The following AGAP1 variants were observed in gnomAD, a reference collection of about 807,000 sequenced individuals.
AGAP1 encodes ArfGAP with GTPase domain, ankyrin repeat and PH domain 1.
A neutral mutation model predicts 105.3 loss-of-function variants in AGAP1; 29 were observed. That is an observed-to-expected ratio of 0.28 (90% confidence interval 0.21 to 0.38). The LOEUF is 0.38. Ranked by LOEUF, AGAP1 falls within the 10% of genes least tolerant of loss-of-function variation. The pLI, the probability that AGAP1 is intolerant of heterozygous loss-of-function variation, is 1.00. For synonymous variants in AGAP1, 509 were observed against 485.9 expected, an observed-to-expected ratio of 1.05 and a Z score of -0.63; for missense variants, 998 against 1,165.1, an observed-to-expected ratio of 0.86 and a Z score of 2.09.
At chr2:235,498,436 C>T (rs933175780) in intron 1 of AGAP1, among the ~76,000 whole-genome samples, 9 of 152,132 alleles carry the variant, frequency 5.9e-5, no homozygotes, top group Admixed American at 2.0e-4. Context: ...ACAGCTGTGT[C>T]GTCTCTGGAG....
intron 9 of AGAP1, chr2:235,852,961 A>G (rs2048538982): frequency 2.4e-6 from 3 of 1,264,022 alleles, no homozygotes; most frequent in East Asian, 6.3e-5. Context: ...ACACCTTCCA[A>G]CAAAGAGGTT....
At chr2:235,832,192 G>T (rs1330665140) in intron 9 of AGAP1, among the ~76,000 whole-genome samples, 2 of 152,058 alleles carry the variant, frequency 1.3e-5, no homozygotes, top group African/African-American at 4.8e-5. Flanking sequence ...AGGGTTCTTT[G>T]TATGTTTTGG....
At chr2:235,819,889 T>G (rs1346317450) in intron 9 of AGAP1, among the ~76,000 whole-genome samples, 1 of 149,308 alleles carries the variant, frequency 6.7e-6, no homozygotes, top group Admixed American at 7.1e-5. Flanking sequence ...TGGCTTTTTT[T>G]TTTCTTCTTT....
chr2:235,536,804 C>T (rs946343005), intron 1 of AGAP1, among the ~76,000 whole-genome samples: 34 of 152,302 alleles, frequency 2.2e-4, no homozygotes, highest in African/African-American at 7.2e-4. Context: ...TGATTCTTCA[C>T]GCGTCAGTGT....
Position 236,036,601 on chromosome 2 carries a change from T to G in AGAP1, c.1686T>G (p.Thr562=). ...ENFEFIIVSL[T]GQTWHFEATT... is the part of the protein sequence containing the mutation. ...TTGAGTTTATCATTGTGTCCCTCAC[T>G]GGCCAAACATGGCACTTTGAAGCCA... is the stretch of plus-strand genomic sequence containing the variant. Residue 562 remains threonine, a synonymous_variant, in exon 14 of 18, where the codon ACT becomes ACG. Transcript: ENST00000304032. The surrounding 1 kb of genome is among the most constrained non-coding windows in gnomAD (Gnocchi z 5.7). The G allele has an allele frequency of 6.2e-7, 1 of 1,614,186 alleles. No individual in the cohort carries two copies. The highest frequency in any genetic ancestry group is 8.5e-7 in the Non-Finnish European group (1 of 1,180,034).
In AGAP1 at chr2:236,001,341, T is replaced by C. The variant is rs966183777; in HGVS notation, c.1645+32718T>C. Among the ~76,000 whole-genome samples, 1 of 152,148 alleles carries C rather than the reference T, an allele frequency of 6.6e-6. No homozygotes were observed. The highest frequency in any genetic ancestry group is 1.5e-5 in the Non-Finnish European group (1 of 68,026). On this transcript the variant is annotated intron_variant, in intron 13 of 17. Transcript: ENST00000304032. The surrounding 1 kb of genome is among the most constrained non-coding windows in gnomAD (Gnocchi z 4.7). ...TTCACGCCACCCAGCGTGCGGTGCA[T>C]TGTGGCAGGTGCAGGCCGCTAGTGC...
intron 6 of AGAP1, among the ~76,000 whole-genome samples, chr2:235,776,096 C>T (rs932729753): frequency 7.9e-5 from 12 of 152,170 alleles, no homozygotes; most frequent in Non-Finnish European, 1.5e-4. Flanking sequence ...ATGCGTGACC[C>T]TCCCTCTTAA....
intron 1 of AGAP1, among the ~76,000 whole-genome samples, chr2:235,629,715 A>G (rs1350768163): frequency 1.5e-5 from 1 of 65,680 alleles, no homozygotes; most frequent in Non-Finnish European, 3.5e-5. Flanking sequence ...CAATAAATGT[A>G]AAAAAAAAAA....
intron 16 of AGAP1, among the ~76,000 whole-genome samples, chr2:236,054,264 G>C (rs566888375): frequency 2.1e-4 from 32 of 152,092 alleles, no homozygotes; most frequent in Admixed American, 1.5e-3. Flanking sequence ...TGTCTTGTTA[G>C]GTTTGATCAT....
chr2:235,746,618 G>A (rs1427799124), intron 5 of AGAP1, among the ~76,000 whole-genome samples: 1 of 151,866 alleles, frequency 6.6e-6, no homozygotes, highest in Non-Finnish European at 1.5e-5. Flanking sequence ...GCCTAATCGT[G>A]TTTTAAAGTG....
chr2:235,762,811 T>G (rs565043885), intron 6 of AGAP1, among the ~76,000 whole-genome samples: 8 of 152,166 alleles, frequency 5.3e-5, no homozygotes, highest in African/African-American at 1.9e-4. Flanking sequence ...AGGCAGAGGT[T>G]GTGGTGAGCT....
intron 1 of AGAP1, among the ~76,000 whole-genome samples, chr2:235,636,948 G>A (rs893873159): frequency 2.6e-5 from 4 of 152,088 alleles, no homozygotes; most frequent in Non-Finnish European, 4.4e-5. Context: ...TAACCAGACA[G>A]CCGCCAGAAG....
At chr2:235,657,483 ATTC>A (rs1307998608) in intron 1 of AGAP1, among the ~76,000 whole-genome samples, 1 of 152,066 alleles carries the variant, frequency 6.6e-6, no homozygotes, top group African/African-American at 2.4e-5. Flanking sequence ...GGTTCAGGCA[ATTC>A]TTCTGCCTCA....
At position 235,993,189 on chromosome 2, in the gene AGAP1, T is replaced by A. The variant is rs1474025659; in HGVS notation, c.1645+24566T>A. On this transcript the variant is annotated intron_variant, in intron 13 of 17. Transcript: ENST00000304032. The surrounding 1 kb of genome is among the most constrained non-coding windows in gnomAD (Gnocchi z 5.0). ...TGTACAGTTCAAACACCAAACTGTT[T>A]GTGGGGAGGAGGGTGATTTGCAGTG... Among the ~76,000 whole-genome samples, 2 of 152,162 alleles carry A rather than the reference T, an allele frequency of 1.3e-5. No individual in the cohort carries two copies. Among genetic ancestry groups the A allele is most frequent in the African/African-American group, 4.8e-5 (2 of 41,440 alleles).
rs527846274 is a variant in AGAP1, at chr2:235,726,318, G to A, written c.310+8674G>A. Among the ~76,000 whole-genome samples the A allele has an allele frequency of 4.6e-5, 7 of 152,316 alleles. No individual in the cohort carries two copies. The South Asian group carries it at 1.0e-3, about 23-fold the overall frequency. The stretch of plus-strand genomic sequence containing the variant: ...ACTCACAGAGCCCAACAACAGCACA[G>A]CACATGCTGTTGACACAACTGTTGC... On this transcript the variant is annotated intron_variant, in intron 3 of 17. Transcript: ENST00000304032.
intron 10 of AGAP1, among the ~76,000 whole-genome samples, chr2:235,896,062 T>C: frequency 6.6e-6 from 1 of 152,216 alleles, no homozygotes; most frequent in East Asian, 1.9e-4. Flanking sequence ...TCCAGAACTT[T>C]TTCATCTTAC....
chr2:236,083,894 C>T lies in AGAP1; in HGVS notation c.2114+34613C>T, dbSNP rs2058853341. On this transcript the variant is annotated intron_variant, in intron 16 of 17. Coordinates refer to ENST00000304032, the MANE Select transcript of AGAP1 (RefSeq NM_001037131.3). The surrounding 1 kb of genome is among the most constrained non-coding windows in gnomAD (Gnocchi z 5.3). Reference sequence around the variant, plus strand: ...ATGGGCATGTGCGTGTGTATGCACACACACGTGCACACATACACACACAGG... The same window carrying T: ...ATGGGCATGTGCGTGTGTATGCACATACACGTGCACACATACACACACAGG... Among the ~76,000 whole-genome samples, 1 of 152,112 alleles carries T rather than the reference C, an allele frequency of 6.6e-6. No individual in the cohort carries two copies. Among genetic ancestry groups the T allele is most frequent in the African/African-American group, 2.4e-5 (1 of 41,400 alleles).
chr2:235,585,958 A>G (rs1453092146), intron 1 of AGAP1, among the ~76,000 whole-genome samples: 3 of 152,192 alleles, frequency 2.0e-5, no homozygotes, highest in Non-Finnish European at 4.4e-5. Flanking sequence ...TGGAGAAATC[A>G]GTTAAATTCT....
chr2:235,846,405 C>T (rs985079440), intron 9 of AGAP1, among the ~76,000 whole-genome samples: 4 of 151,972 alleles, frequency 2.6e-5, no homozygotes, highest in Admixed American at 6.5e-5. Flanking sequence ...CAGCTGACTG[C>T]GACCTCCACC....
Sources: gnomAD v4.1 joint callset for allele counts (sites outside exome capture counted in the v4.1 genomes callset) on GRCh38, gnomAD v4.1.1 for gene constraint, Gnocchi (gnomAD v3.1) non-coding constraint, MANE v1.5 for transcripts, NCBI Gene and HGNC (gene_info 2026-07-23, HGNC 2026-07-21) for gene names.